The following ENTREP2 variants were observed in gnomAD, a reference collection of about 807,000 sequenced individuals.
ENTREP2 encodes protein ENTREP2.
the ENTREP2 span, among the ~76,000 whole-genome samples, chr15:29,581,014 T>C: frequency 6.6e-6 from 1 of 152,200 alleles, no homozygotes; most frequent in East Asian, 1.9e-4. Context: ...CCAGACCTCA[T>C]ATTTCTTATG....
chr15:29,296,947 C>T, the ENTREP2 span, among the ~76,000 whole-genome samples: 1 of 152,174 alleles, frequency 6.6e-6, no homozygotes, highest in East Asian at 1.9e-4. Flanking sequence ...ATGACTTTTA[C>T]ATTTTAATGA....
the ENTREP2 span, among the ~76,000 whole-genome samples, chr15:29,528,801 C>A: frequency 6.6e-6 from 1 of 152,148 alleles, no homozygotes; most frequent in Admixed American, 6.5e-5. Flanking sequence ...TTGAAAATCA[C>A]ATTTTTTGTG....
At chr15:29,136,126 T>C in the ENTREP2 span, among the ~76,000 whole-genome samples, 1 of 152,174 alleles carries the variant, frequency 6.6e-6, no homozygotes, top group Non-Finnish European at 1.5e-5. Context: ...CAGGTGCCGC[T>C]CTCTGAGCCT....
chr15:29,123,701 G>T, the ENTREP2 span: 1 of 1,507,014 alleles, frequency 6.6e-7, no homozygotes, highest in South Asian at 1.3e-5. Flanking sequence ...ACTGAAATAA[G>T]AAGTTAACTC....
the ENTREP2 span, among the ~76,000 whole-genome samples, chr15:29,353,703 C>T: frequency 6.6e-6 from 1 of 152,144 alleles, no homozygotes; most frequent in Non-Finnish European, 1.5e-5. Context: ...AGCCTTGCCA[C>T]CACCTGGGAG....
At chr15:29,406,417 A>ACC in the ENTREP2 span, among the ~76,000 whole-genome samples, 14 of 152,190 alleles carry the variant, frequency 9.2e-5, no homozygotes, top group East Asian at 2.5e-3. Flanking sequence ...GCATCATAGC[A>ACC]GGTGCCTGTA....
chr15:29,653,039 T>C, the ENTREP2 span, among the ~76,000 whole-genome samples: 1 of 152,340 alleles, frequency 6.6e-6, no homozygotes, highest in African/African-American at 2.4e-5. Context: ...AAGTGTATCC[T>C]TGGATCCATG....
chr15:29,474,282 G>A, the ENTREP2 span, among the ~76,000 whole-genome samples: 101 of 152,100 alleles, frequency 6.6e-4, no homozygotes, highest in Middle Eastern at 6.9e-3. Context: ...GCTGGGGCGG[G>A]GGCCATCCCC....
the ENTREP2 span, among the ~76,000 whole-genome samples, chr15:29,649,727 C>CAACA: frequency 1.0e-4 from 7 of 66,938 alleles, no homozygotes; most frequent in African/African-American, 2.5e-4. Context: ...TCAACAACAA[C>CAACA]AAAAAAAAAA....
At chr15:29,542,614 A>G in the ENTREP2 span, among the ~76,000 whole-genome samples, 1 of 152,104 alleles carries the variant, frequency 6.6e-6, no homozygotes, top group Non-Finnish European at 1.5e-5. Flanking sequence ...CTCCTTAGCC[A>G]TTTTTAAGTT....
chr15:29,208,163 A>AC, the ENTREP2 span, among the ~76,000 whole-genome samples: 1 of 49,510 alleles, frequency 2.0e-5, no homozygotes, highest in Admixed American at 2.5e-4. Context: ...CCCTCCCCCC[A>AC]CCCTGAGTCC....
the ENTREP2 span, among the ~76,000 whole-genome samples, chr15:29,332,471 CTT>C: frequency 6.6e-6 from 1 of 152,032 alleles, no homozygotes; most frequent in African/African-American, 2.4e-5. Flanking sequence ...CGCTAAAAAG[CTT>C]TGAGTTTTTT....
At chr15:29,386,106 T>A in the ENTREP2 span, among the ~76,000 whole-genome samples, 3 of 152,092 alleles carry the variant, frequency 2.0e-5, no homozygotes, top group Non-Finnish European at 2.9e-5. Flanking sequence ...CAATTAAACC[T>A]CGCACCCATC....
the ENTREP2 span, among the ~76,000 whole-genome samples, chr15:29,567,192 A>C: frequency 6.6e-6 from 1 of 152,058 alleles, no homozygotes; most frequent in Non-Finnish European, 1.5e-5. Flanking sequence ...AACAATGGAA[A>C]CTGCACAGCT....
At chr15:29,649,032 G>A in the ENTREP2 span, among the ~76,000 whole-genome samples, 9 of 150,280 alleles carry the variant, frequency 6.0e-5, no homozygotes, top group African/African-American at 2.0e-4. Context: ...GCCCTTACCA[G>A]AGCTGATGCC....
chr15:29,173,194 A>G, the ENTREP2 span, among the ~76,000 whole-genome samples: 2 of 152,092 alleles, frequency 1.3e-5, no homozygotes, highest in Admixed American at 1.3e-4. Context: ...CCACTGCAGG[A>G]ATGGGCGGGG....
the ENTREP2 span, among the ~76,000 whole-genome samples, chr15:29,150,978 A>G: frequency 1.3e-5 from 2 of 152,176 alleles, no homozygotes; most frequent in South Asian, 4.2e-4. Flanking sequence ...ACACACACAC[A>G]CGCGTGCGCA....
At chr15:29,430,139 G>A in the ENTREP2 span, among the ~76,000 whole-genome samples, 890 of 152,258 alleles carry the variant, frequency 5.8e-3, 5 homozygotes, top group Non-Finnish European at 0.011. Context: ...AAGGCAAGAA[G>A]GCTTTCTTTC....
At chr15:29,356,551 C>T in the ENTREP2 span, among the ~76,000 whole-genome samples, 4 of 151,374 alleles carry the variant, frequency 2.6e-5, no homozygotes, top group South Asian at 2.1e-4. Context: ...GTGATCCGCC[C>T]GCCTCGGCCT....
Sources: gnomAD v4.1 joint callset for allele counts (sites outside exome capture counted in the v4.1 genomes callset) on GRCh38, gnomAD v4.1.1 for gene constraint, MANE v1.5 for transcripts, NCBI Gene and HGNC (gene_info 2026-07-23, HGNC 2026-07-21) for gene names.